Variants in LRRC4C observed in about 807,000 individuals in gnomAD.
LRRC4C encodes leucine rich repeat containing 4C, also known as leucine-rich repeat-containing protein 4C.
LRRC4C carries 5 observed loss-of-function variants against 33.6 expected under a neutral mutation model. The observed-to-expected ratio is 0.15, with a 90% CI of 0.08 to 0.31. The LOEUF is 0.31. Ranked by LOEUF, LRRC4C falls within the 10% of genes least tolerant of loss-of-function variation. The pLI, the probability that LRRC4C is intolerant of heterozygous loss-of-function variation, is 1.00. For missense variants in LRRC4C, 560 were observed against 796.7 expected (o/e 0.70, Z 3.58); for synonymous variants, 329 against 302.0 (o/e 1.09, Z -0.93).
chr11:41,224,633 A>T (rs989676685), intron 1 of LRRC4C, among the ~76,000 whole-genome samples: 1 of 152,222 alleles, frequency 6.6e-6, no homozygotes, highest in African/African-American at 2.4e-5. Flanking sequence ...TAATTCAGAC[A>T]TGAATTTGTA....
At chr11:40,739,730 T>G (rs1352908598) in intron 2 of LRRC4C, among the ~76,000 whole-genome samples, 1 of 151,940 alleles carries the variant, frequency 6.6e-6, no homozygotes, top group Non-Finnish European at 1.5e-5. Flanking sequence ...CTATTCACAC[T>G]CTCTCCTGCT....
At chr11:40,877,267 C>G (rs73472678) in intron 2 of LRRC4C, among the ~76,000 whole-genome samples, 31 of 152,162 alleles carry the variant, frequency 2.0e-4, no homozygotes, top group African/African-American at 6.5e-4. Context: ...TATGCACATA[C>G]GGACACAAAA....
chr11:41,349,069 G>C (rs566025104), intron 1 of LRRC4C, among the ~76,000 whole-genome samples: 2 of 152,080 alleles, frequency 1.3e-5, no homozygotes, highest in Non-Finnish European at 1.5e-5. Context: ...CTGTAGGATG[G>C]GGTCAGTCTG....
intron 3 of LRRC4C, among the ~76,000 whole-genome samples, chr11:40,455,362 A>C (rs1480643707): frequency 6.6e-6 from 1 of 152,192 alleles, no homozygotes; most frequent in Non-Finnish European, 1.5e-5. Context: ...ATAGGCATCC[A>C]TCTGTCCAGA....
intron 3 of LRRC4C, among the ~76,000 whole-genome samples, chr11:40,477,085 A>G (rs1345106321): frequency 6.6e-6 from 1 of 152,186 alleles, no homozygotes; most frequent in Non-Finnish European, 1.5e-5. Flanking sequence ...AAAATAGCCC[A>G]TTCTGCTCAC....
chr11:40,293,678 G>T (rs1944356856), intron 4 of LRRC4C: 1 of 152,126 alleles, frequency 6.6e-6, no homozygotes, highest in African/African-American at 2.4e-5. Context: ...TTCCCTAATC[G>T]CTGGCTCTTC....
chr11:40,334,593 A>G (rs1335320771), intron 3 of LRRC4C, among the ~76,000 whole-genome samples: 1 of 152,216 alleles, frequency 6.6e-6, no homozygotes, highest in Admixed American at 6.5e-5. Flanking sequence ...TTCTAAGCAC[A>G]TTAATGAACA....
At chr11:41,294,596 A>C (rs117344147) in intron 1 of LRRC4C, among the ~76,000 whole-genome samples, 1 of 152,228 alleles carries the variant, frequency 6.6e-6, no homozygotes, top group African/African-American at 2.4e-5. Flanking sequence ...TTTAAGAGGT[A>C]AGATTTACTC....
At chr11:41,438,697 C>G (rs1007672642) in intron 1 of LRRC4C, among the ~76,000 whole-genome samples, 1 of 152,254 alleles carries the variant, frequency 6.6e-6, no homozygotes, top group Non-Finnish European at 1.5e-5. Flanking sequence ...TTTGGCTCCA[C>G]GTCAGCTTTT....
At chr11:40,871,996 A>G (rs763449673) in intron 2 of LRRC4C, among the ~76,000 whole-genome samples, 1 of 152,116 alleles carries the variant, frequency 6.6e-6, no homozygotes, top group Non-Finnish European at 1.5e-5. Context: ...GAACACAAGG[A>G]CTGGTTTCTA....
chr11:40,772,193 G>A (rs1262147177), intron 2 of LRRC4C, among the ~76,000 whole-genome samples: 1 of 152,138 alleles, frequency 6.6e-6, no homozygotes, highest in East Asian at 1.9e-4. Context: ...ATGATGGAAG[G>A]GGAAGCAAAC....
intron 2 of LRRC4C, among the ~76,000 whole-genome samples, chr11:40,707,177 C>T (rs937211876): frequency 6.6e-6 from 1 of 152,192 alleles, no homozygotes; most frequent in Non-Finnish European, 1.5e-5. Context: ...TTGACTTCCT[C>T]TTTTCCTAAT....
At chr11:40,973,378 C>A (rs1851867041) in intron 1 of LRRC4C, among the ~76,000 whole-genome samples, 1 of 151,820 alleles carries the variant, frequency 6.6e-6, no homozygotes, top group African/African-American at 2.4e-5. Context: ...ACCAAAAAAA[C>A]AAGAAATATG....
At chr11:41,115,566 G>A (rs1942073641) in intron 1 of LRRC4C, among the ~76,000 whole-genome samples, 1 of 151,904 alleles carries the variant, frequency 6.6e-6, no homozygotes, top group Admixed American at 6.6e-5. Context: ...TTTTAATTGT[G>A]TTCATTTGCG....
chr11:40,763,064 T>TATATATATATACACACACAC (rs1949294887), intron 2 of LRRC4C, among the ~76,000 whole-genome samples: 1 of 148,968 alleles, frequency 6.7e-6, no homozygotes, highest in Non-Finnish European at 1.5e-5. Context: ...TATATATATG[T>TATATATATATACACACACAC]ATATATATGT....
At chr11:40,933,013 C>G (rs1278965841) in intron 2 of LRRC4C, among the ~76,000 whole-genome samples, 1 of 151,976 alleles carries the variant, frequency 6.6e-6, no homozygotes, top group Admixed American at 6.6e-5. Flanking sequence ...AAAAATATGC[C>G]AGGGGATAGA....
chr11:40,159,390 G>A (rs1319633197), intron 5 of LRRC4C, among the ~76,000 whole-genome samples: 1 of 152,148 alleles, frequency 6.6e-6, no homozygotes, highest in Admixed American at 6.6e-5. Context: ...ACTAAGAATA[G>A]TCTAAAAATG....
At position 40,855,036 on chromosome 11, in the gene LRRC4C, T is replaced by C. The variant is rs78015633; in HGVS notation, c.-407+78599A>G. On this transcript the variant is annotated intron_variant, in intron 2 of 6. Transcript: ENST00000528697. ...TCACAATTTGGGAGTTAATTTATTT[T>C]TAATAGCTGATACTTCCATTTCTCT... Among the ~76,000 whole-genome samples, 1,355 of 152,270 alleles carry C rather than the reference T, an allele frequency of 8.9e-3. 6 individuals carry two copies. The highest frequency in any genetic ancestry group is 0.016 in the Non-Finnish European group (1,078 of 67,996).
intron 2 of LRRC4C, among the ~76,000 whole-genome samples, chr11:40,880,682 C>T (rs1426389721): frequency 6.6e-6 from 1 of 151,200 alleles, no homozygotes; most frequent in African/African-American, 2.4e-5. Context: ...AGTAATAATT[C>T]TAATACCTAA....
Sources: gnomAD v4.1 joint callset for allele counts (sites outside exome capture counted in the v4.1 genomes callset) on GRCh38, gnomAD v4.1.1 for gene constraint, MANE v1.5 for transcripts, NCBI Gene and HGNC (gene_info 2026-07-23, HGNC 2026-07-21) for gene names.